The following HS3ST4 variants were observed in gnomAD, a reference collection of about 807,000 sequenced individuals.
HS3ST4 encodes the protein heparan sulfate glucosamine 3-O-sulfotransferase 4.
A neutral mutation model predicts 29.2 loss-of-function variants in HS3ST4; 17 were observed. The observed-to-expected ratio is 0.58, with a 90% CI of 0.40 to 0.87. HS3ST4 has a LOEUF of 0.87. Among genes scored for constraint, HS3ST4 ranks in the 40% least tolerant of loss-of-function variants. The pLI, the probability that HS3ST4 is intolerant of heterozygous loss-of-function variation, is 0.00. For synonymous variants in HS3ST4, 314 were observed against 285.7 expected, an observed-to-expected ratio of 1.10 and a Z score of -1.00; for missense variants, 627 against 634.5, an observed-to-expected ratio of 0.99 and a Z score of 0.13.
chr16:26,026,766 T>C (rs1969479704), intron 1 of HS3ST4, among the ~76,000 whole-genome samples: 1 of 152,206 alleles, frequency 6.6e-6, no homozygotes, highest in Non-Finnish European at 1.5e-5. Context: ...ATAATTGTTT[T>C]GGACCAATCA....
chr16:26,026,667 C>T (rs1012390846), intron 1 of HS3ST4, among the ~76,000 whole-genome samples: 3 of 152,054 alleles, frequency 2.0e-5, no homozygotes, highest in Non-Finnish European at 2.9e-5. Context: ...CCAGAAGCTC[C>T]CCAGCTGATT....
intron 1 of HS3ST4, among the ~76,000 whole-genome samples, chr16:25,768,736 A>G (rs945390748): frequency 6.6e-6 from 1 of 152,172 alleles, no homozygotes; most frequent in Admixed American, 6.5e-5. Flanking sequence ...GTTATATATC[A>G]GAAATCAGAT....
chr16:25,783,416 A>G (rs1396480926), intron 1 of HS3ST4, among the ~76,000 whole-genome samples: 2 of 151,472 alleles, frequency 1.3e-5, no homozygotes. Context: ...GTCAGTTGTC[A>G]TTGAAAATCA....
At position 25,950,027 on chromosome 16, in the gene HS3ST4, T is replaced by A. The variant is rs147672369; in HGVS notation, c.735-185585T>A. Among the ~76,000 whole-genome samples, 720 of 152,330 alleles carry A rather than the reference T, an allele frequency of 4.7e-3. 2 individuals carry two copies. Among genetic ancestry groups the A allele is most frequent in the African/African-American group, 0.017 (699 of 41,568 alleles). Reference sequence around the variant, plus strand: ...TAGTGCACACCCCTTGCAGAAGGAATGTTCAGATTGAGAATTCCTCACAAA... The same window carrying A: ...TAGTGCACACCCCTTGCAGAAGGAAAGTTCAGATTGAGAATTCCTCACAAA... On this transcript the variant is annotated intron_variant, in intron 1 of 1. Transcript: ENST00000331351.
Position 26,136,346 on chromosome 16 carries a change from C to T in HS3ST4, c.*98C>T. ...TTCTGCAGCTTCACTTGCTGGAGTG[C>T]CAAGTAGATCTCCTCCTCCTTCATG... On this transcript the variant is annotated 3_prime_UTR_variant, in exon 2 of 2. Transcript: ENST00000331351. 1.8e-6 allele frequency: 2 copies of T among 1,124,050 alleles called. No homozygotes were observed. Among genetic ancestry groups the T allele is most frequent in the East Asian group, 2.6e-5 (1 of 39,204 alleles). 69.6% of individuals were successfully genotyped at this position (1,124,050 alleles called of 1,614,324 possible). A position where few individuals can be genotyped will look rare whatever the true frequency, so the allele number is the denominator to read the frequency against.
intron 1 of HS3ST4, among the ~76,000 whole-genome samples, chr16:25,728,806 AAC>A (rs1408392259): frequency 2.0e-5 from 3 of 152,204 alleles, no homozygotes; most frequent in African/African-American, 7.2e-5. Context: ...GTCTTGGCAA[AAC>A]ACAGTGGTTC....
At chr16:26,020,637 C>T (rs1186082526) in intron 1 of HS3ST4, among the ~76,000 whole-genome samples, 1 of 152,198 alleles carries the variant, frequency 6.6e-6, no homozygotes, top group Non-Finnish European at 1.5e-5. Context: ...TTGAGAACCT[C>T]TCATGTCATG....
At position 25,860,100 on chromosome 16, in the gene HS3ST4, C is replaced by T. The variant is rs147860591; in HGVS notation, c.734+166949C>T. 3.9e-5 allele frequency among the ~76,000 whole-genome samples: 6 copies of T among 152,282 alleles called. No homozygotes were observed. In the East Asian group the frequency reaches 7.7e-4, roughly 20 times the overall value. ...AACAGTTTCATCCCGAAACCATCCT[C>T]CTACCCCATTCCTGGAAAAATTGTC... On this transcript the variant is annotated intron_variant, in intron 1 of 1. Transcript: ENST00000331351.
intron 1 of HS3ST4, 141 bp from the exon 2 acceptor site, chr16:26,135,471 G>A: frequency 3.8e-6 from 3 of 799,546 alleles, no homozygotes; most frequent in Non-Finnish European, 5.8e-6. Context: ...AGGAGATATA[G>A]GTAAGAAGAA....
intron 1 of HS3ST4, among the ~76,000 whole-genome samples, chr16:25,761,001 A>G (rs59267917): frequency 1.3e-5 from 2 of 151,938 alleles, no homozygotes; most frequent in African/African-American, 4.9e-5. Flanking sequence ...AGCAAAAGGC[A>G]AGCCAGATGG....
At chr16:25,971,032 G>A (rs761938345) in intron 1 of HS3ST4, among the ~76,000 whole-genome samples, 3 of 151,790 alleles carry the variant, frequency 2.0e-5, no homozygotes, top group Non-Finnish European at 4.4e-5. Flanking sequence ...TGTATTTTTA[G>A]TAGAGACGGG....
At chr16:25,872,741 A>G (rs1967767775) in intron 1 of HS3ST4, among the ~76,000 whole-genome samples, 1 of 152,232 alleles carries the variant, frequency 6.6e-6, no homozygotes, top group Non-Finnish European at 1.5e-5. Context: ...AGATTCAAAG[A>G]GTAGATGAAT....
intron 1 of HS3ST4, 139 bp downstream of exon 1, chr16:25,693,290 C>A: frequency 3.2e-6 from 3 of 925,738 alleles, no homozygotes; most frequent in Non-Finnish European, 4.7e-6. Flanking sequence ...CAAACCCTGG[C>A]GGCGTTGCTC....
intron 1 of HS3ST4, among the ~76,000 whole-genome samples, chr16:25,821,103 G>C: frequency 6.7e-6 from 1 of 149,404 alleles, no homozygotes; most frequent in Non-Finnish European, 1.5e-5. Flanking sequence ...AGTCGCCCAG[G>C]CTGGAGTGCA....
intron 1 of HS3ST4, among the ~76,000 whole-genome samples, chr16:25,768,588 G>A (rs751368023): frequency 6.6e-6 from 1 of 152,108 alleles, no homozygotes; most frequent in Non-Finnish European, 1.5e-5. Context: ...AGGGCCTGCC[G>A]GTCTTGTGAG....
At chr16:25,791,117 A>G (rs1178527223) in intron 1 of HS3ST4, among the ~76,000 whole-genome samples, 1 of 151,922 alleles carries the variant, frequency 6.6e-6, no homozygotes, top group African/African-American at 2.4e-5. Context: ...TGGGGTATCC[A>G]TGTGATATAG....
intron 1 of HS3ST4, among the ~76,000 whole-genome samples, chr16:26,011,433 A>G (rs111529988): frequency 1.2e-4 from 18 of 152,218 alleles, no homozygotes; most frequent in African/African-American, 4.3e-4. Context: ...GGTGGCACAC[A>G]TCTGTAATCC....
intron 1 of HS3ST4, among the ~76,000 whole-genome samples, chr16:26,124,627 G>A (rs1275619235): frequency 6.6e-6 from 1 of 152,136 alleles, no homozygotes; most frequent in African/African-American, 2.4e-5. Flanking sequence ...AGACATGCCT[G>A]TGACCCCTAC....
At chr16:25,901,584 G>A (rs144314969) in intron 1 of HS3ST4, among the ~76,000 whole-genome samples, 3,167 of 152,274 alleles carry the variant, frequency 0.021, 36 homozygotes, top group Middle Eastern at 0.041. Flanking sequence ...CTGAGGAGGA[G>A]AATCGGTTGA....
Sources: gnomAD v4.1 joint callset for allele counts (sites outside exome capture counted in the v4.1 genomes callset) on GRCh38, gnomAD v4.1.1 for gene constraint, MANE v1.5 for transcripts, NCBI Gene and HGNC (gene_info 2026-07-23, HGNC 2026-07-21) for gene names.